CEP85L: variants seen among roughly 807,000 people sequenced by gnomAD.
CEP85L encodes centrosomal protein 85L.
A neutral mutation model predicts 100.3 loss-of-function variants in CEP85L; 60 were observed. The ratio of observed to expected loss-of-function variants is 0.60; its 90% confidence interval spans 0.49 to 0.74. The LOEUF (loss-of-function observed/expected upper bound fraction) is 0.74, where lower values mean the gene tolerates loss of function less well. Ranked by LOEUF, CEP85L falls within the 30% of genes least tolerant of loss-of-function variation. The probability of loss-of-function intolerance (pLI) is 0.00; values close to 1 mark genes in which losing one functional copy is unlikely to be tolerated. For missense variants in CEP85L, 973 were observed against 936.2 expected (o/e 1.04, Z -0.51); for synonymous variants, 319 against 322.7 (o/e 0.99, Z 0.12).
Position 118,566,088 on chromosome 6 carries a change from C to T in CEP85L, c.461G>A (p.Arg154Gln), listed in dbSNP as rs1388284200. 8 of 1,614,054 alleles carry T rather than the reference C, an allele frequency of 5.0e-6. No individual in the cohort carries two copies. The highest frequency in any genetic ancestry group is 2.2e-5 in the East Asian group (1 of 44,896). The change falls in exon 3 of 13, where the codon CGG (arginine) becomes CAG (glutamine). Residue 154 changes from arginine (R) to glutamine (Q), a missense_variant. Transcript: ENST00000368491. ...SLDMKDFRPL[R>Q]KWSSLSKLTA... Reference sequence around the variant, plus strand: ...GAGTTTGGATAAAGATGACCATTTCCGAAGTGGCCGGAAGTCCTTCATGTC... The same window carrying T: ...GAGTTTGGATAAAGATGACCATTTCTGAAGTGGCCGGAAGTCCTTCATGTC...
intron 1 of CEP85L, among the ~76,000 whole-genome samples, chr6:118,672,029 T>C (rs1297179185): frequency 6.6e-6 from 1 of 152,148 alleles, no homozygotes; most frequent in Admixed American, 6.5e-5. Context: ...GACGTATTAT[T>C]CTCTTTTTTT....
chr6:118,611,163 G>A (rs1001278930), intron 2 of CEP85L, among the ~76,000 whole-genome samples: 1 of 152,132 alleles, frequency 6.6e-6, no homozygotes, highest in Non-Finnish European at 1.5e-5. Flanking sequence ...AATTATGTTT[G>A]ACAGTTGTTG....
rs779217998 is a variant in CEP85L, at chr6:118,479,820, A to G, written c.1914+51T>C. 7 of 857,460 alleles carry G rather than the reference A, an allele frequency of 8.2e-6. No homozygotes were observed. In the African/African-American group the frequency reaches 1.3e-4, roughly 15 times the overall value. 53.1% of individuals were successfully genotyped at this position (857,460 alleles called of 1,614,324 possible). ...ATATTTTCAGATTAAATAAGCATTA[A>G]GAGTATATCAGAATATAGCTAAATT... On this transcript the variant is annotated intron_variant, in intron 10 of 12. Coordinates refer to ENST00000368491, the MANE Select transcript of CEP85L (RefSeq NM_001042475.3).
At chr6:118,535,802 G>A (rs1041857622) in intron 3 of CEP85L, among the ~76,000 whole-genome samples, 12 of 151,852 alleles carry the variant, frequency 7.9e-5, no homozygotes, top group Non-Finnish European at 1.6e-4. Flanking sequence ...CTCTCATATT[G>A]TTATAATTAT....
chr6:118,620,983 G>A (rs1163370740), intron 2 of CEP85L, among the ~76,000 whole-genome samples: 1 of 152,188 alleles, frequency 6.6e-6, no homozygotes, highest in Non-Finnish European at 1.5e-5. Flanking sequence ...TCCCTTACTT[G>A]AGGAGGGAAT....
At chr6:118,634,290 T>C (rs1445935505) in intron 1 of CEP85L, among the ~76,000 whole-genome samples, 1 of 152,196 alleles carries the variant, frequency 6.6e-6, no homozygotes, top group Non-Finnish European at 1.5e-5. Flanking sequence ...TTGTTCTCTA[T>C]GTCAGTATTA....
At chr6:118,540,946 T>C (rs1308566392) in intron 3 of CEP85L, among the ~76,000 whole-genome samples, 1 of 152,136 alleles carries the variant, frequency 6.6e-6, no homozygotes, top group Non-Finnish European at 1.5e-5. Context: ...ATTTTGGAAG[T>C]GTGAAGTTTC....
At chr6:118,526,524 C>T (rs1347636375) in intron 3 of CEP85L, among the ~76,000 whole-genome samples, 1 of 152,168 alleles carries the variant, frequency 6.6e-6, no homozygotes, top group Non-Finnish European at 1.5e-5. Flanking sequence ...ACCCAGGCAG[C>T]CCAACAAAGG....
At chr6:118,466,219 A>C (rs556591325) in intron 12 of CEP85L, among the ~76,000 whole-genome samples, 1 of 152,176 alleles carries the variant, frequency 6.6e-6, no homozygotes, top group Non-Finnish European at 1.5e-5. Context: ...CTTTGTAAGC[A>C]TATCTCAACA....
chr6:118,489,149 C>T (rs1037745241), intron 6 of CEP85L, among the ~76,000 whole-genome samples: 9 of 151,978 alleles, frequency 5.9e-5, no homozygotes, highest in Admixed American at 5.9e-4. Flanking sequence ...TGCCTGTAAT[C>T]CCAGCTACTC....
At chr6:118,479,995 ACAG>A in intron 9 of CEP85L, 74 bp from the exon 10 acceptor site, 1 of 760,018 alleles carries the variant, frequency 1.3e-6, no homozygotes. Flanking sequence ...TTTCAAGAAA[ACAG>A]CACAGAAATT....
chr6:118,618,134 G>C (rs555809605), intron 2 of CEP85L, among the ~76,000 whole-genome samples: 16 of 152,216 alleles, frequency 1.1e-4, no homozygotes, highest in Admixed American at 3.9e-4. Context: ...CAGATATCCA[G>C]GTTGAGACCA....
intron 3 of CEP85L, among the ~76,000 whole-genome samples, chr6:118,525,856 A>G (rs564168265): frequency 6.6e-6 from 1 of 152,368 alleles, no homozygotes; most frequent in South Asian, 2.1e-4. Flanking sequence ...CCACAAAGCA[A>G]CTTCAAGAGA....
rs574917851 is a variant in CEP85L, at chr6:118,467,001, T to G, written c.2255-1433A>C. Among the ~76,000 whole-genome samples the G allele has an allele frequency of 4.6e-5, 7 of 152,108 alleles. No homozygotes were observed. In the South Asian group the frequency reaches 1.5e-3, roughly 32 times the overall value. On this transcript the variant is annotated intron_variant, in intron 12 of 12. Coordinates refer to ENST00000368491, the MANE Select transcript of CEP85L (RefSeq NM_001042475.3). ...GCAGGGATTGGGCACAGGCGCCAGA[T>G]GAAGGAAAAAGCAGAGTGGAGAATA...
chr6:118,555,541 C>T (rs1397847125), intron 3 of CEP85L, among the ~76,000 whole-genome samples: 2 of 151,582 alleles, frequency 1.3e-5, no homozygotes, highest in Non-Finnish European at 2.9e-5. Context: ...ACATAAGCAA[C>T]TTAAAGGATG....
chr6:118,635,018 A>G (rs902276354), intron 1 of CEP85L, among the ~76,000 whole-genome samples: 4 of 152,324 alleles, frequency 2.6e-5, no homozygotes, highest in Admixed American at 2.6e-4. Flanking sequence ...GGTGTCAACC[A>G]AGTGAGGGGA....
At chr6:118,511,731 AG>A (rs1775983112) in intron 4 of CEP85L, among the ~76,000 whole-genome samples, 2 of 152,290 alleles carry the variant, frequency 1.3e-5, no homozygotes, top group African/African-American at 4.8e-5. Flanking sequence ...AGAATAATAA[AG>A]ATAGTATGAG....
chr6:118,550,990 T>TA (rs940328972), intron 3 of CEP85L, among the ~76,000 whole-genome samples: 3 of 151,570 alleles, frequency 2.0e-5, no homozygotes, highest in South Asian at 4.2e-4. Context: ...GCACAGACTT[T>TA]AAAAAAAATA....
intron 2 of CEP85L, among the ~76,000 whole-genome samples, chr6:118,600,370 T>TGTGTGTGTGTGTGTGTGTGTGTGTG (rs58066356): frequency 3.5e-5 from 3 of 86,368 alleles, no homozygotes; most frequent in African/African-American, 8.4e-5. Flanking sequence ...TGTGTGTGTG[T>TGTGTGTGTGTGTGTGTGTGTGTGTG]AACGCCATGG....
Sources: gnomAD v4.1 joint callset for allele counts (sites outside exome capture counted in the v4.1 genomes callset) on GRCh38, gnomAD v4.1.1 for gene constraint, MANE v1.5 for transcripts, NCBI Gene and HGNC (gene_info 2026-07-23, HGNC 2026-07-21) for gene names.